Variants in RDH12 observed in about 807,000 individuals in gnomAD.
RDH12 encodes all-trans and 9-cis retinol dehydrogenase.
In RDH12, 21 loss-of-function variants were observed where a neutral mutation model predicts 34.0. That is an observed-to-expected ratio of 0.62 (90% CI 0.44 to 0.89). The LOEUF (loss-of-function observed/expected upper bound fraction) is 0.89. Among genes scored for constraint, RDH12 ranks in the 40% least tolerant of loss-of-function variants. The probability of loss-of-function intolerance (pLI) is 0.00; values close to 1 mark genes in which losing one functional copy is unlikely to be tolerated. For missense variants in RDH12, 394 were observed against 398.6 expected, an observed-to-expected ratio of 0.99 and a Z score of 0.10; for synonymous variants, 198 against 169.9, an observed-to-expected ratio of 1.17 and a Z score of -1.29.
intron 5 of RDH12, 103 bp downstream of exon 5, chr14:67,725,357 C>T: frequency 4.1e-6 from 5 of 1,210,222 alleles, no homozygotes; most frequent in Admixed American, 1.9e-5. Context: ...ATCATCCACC[C>T]CACTAGACAG....
intron 8 of RDH12, among the ~76,000 whole-genome samples, chr14:67,730,953 T>C (rs1026101600): frequency 6.6e-6 from 1 of 152,086 alleles, no homozygotes. Context: ...AAAAAAGAAG[T>C]GTAAGTTATC....
At chr14:67,725,756 T>C (rs2038177632) in intron 5 of RDH12, among the ~76,000 whole-genome samples, 1 of 152,178 alleles carries the variant, frequency 6.6e-6, no homozygotes, top group Non-Finnish European at 1.5e-5. Flanking sequence ...ACACATTTGC[T>C]GAATAAATGA....
chr14:67,709,154 A>C (rs2037983123), intron 1 of RDH12, among the ~76,000 whole-genome samples: 1 of 152,226 alleles, frequency 6.6e-6, no homozygotes, highest in Admixed American at 6.5e-5. Context: ...GATTTTGGAA[A>C]GTTTGTCAAA....
rs2038181425 is a variant in RDH12 at position 67,726,052 on chromosome 14, G to A, written c.345G>A (p.Glu115=). The part of the protein sequence containing the change: ...IRAFAEGFLA[E]EKQLHILINN... ...GATCTCTTTGGTTGTGCCCTATAGA[G>A]GAAAAGCAGCTCCATATTCTGATCA... The change falls in exon 6 of 9, where the codon GAG becomes GAA. Residue 115 remains glutamate (E), a splice_region_variant and synonymous_variant. Coordinates refer to ENST00000551171, the MANE Select transcript of RDH12 (RefSeq NM_152443.3). 6.2e-7 allele frequency: 1 copy of A among 1,611,316 alleles called. No homozygotes were observed. Among genetic ancestry groups the A allele is most frequent in the Non-Finnish European group, 8.5e-7 (1 of 1,177,608 alleles).
intron 1 of RDH12, among the ~76,000 whole-genome samples, chr14:67,713,567 T>G (rs1408317217): frequency 6.6e-6 from 1 of 152,228 alleles, no homozygotes; most frequent in Non-Finnish European, 1.5e-5. Context: ...TACCAGGCAC[T>G]GATAGGAGAT....
chr14:67,725,529 C>A (rs1286730188), intron 5 of RDH12, among the ~76,000 whole-genome samples: 1 of 152,192 alleles, frequency 6.6e-6, no homozygotes, highest in East Asian at 1.9e-4. Flanking sequence ...GGCCACAATG[C>A]CACTCTCTTC....
At chr14:67,727,272 C>T in intron 7 of RDH12, 82 bp downstream of exon 7, 1 of 999,180 alleles carries the variant, frequency 1.0e-6, no homozygotes, top group South Asian at 1.4e-5. Context: ...GTCAGGCTGT[C>T]AAACATGCAC....
Position 67,723,772 on chromosome 14 carries a change from C to T in RDH12, c.69-701C>T, listed in dbSNP as rs563351980. On this transcript the variant is annotated intron_variant, in intron 3 of 8. Coordinates refer to ENST00000551171, the MANE Select transcript of RDH12 (RefSeq NM_152443.3). ...TAGTAATTGGCAGTCAGATGATGTG[C>T]AGGAAATGTTAGTTCTGCCCCTCCG... 8.5e-5 allele frequency among the ~76,000 whole-genome samples: 13 copies of T among 152,346 alleles called. 1 individual carries two copies. In the South Asian group the frequency reaches 1.9e-3, roughly 22 times the overall value.
intron 8 of RDH12, chr14:67,729,941 C>T (rs1885166974): frequency 7.5e-6 from 3 of 402,332 alleles, no homozygotes; most frequent in Admixed American, 5.9e-5. Context: ...ATGACAGAAT[C>T]CAGCCCTGTC....
intron 1 of RDH12, among the ~76,000 whole-genome samples, chr14:67,711,213 A>G (rs548085453): frequency 3.9e-5 from 6 of 152,312 alleles, no homozygotes; most frequent in African/African-American, 1.2e-4. Flanking sequence ...ACCAATATCA[A>G]TGTCTTATTT....
chr14:67,734,203 AG>A lies in RDH12; in HGVS notation c.*356del. The A allele has an allele frequency of 3.4e-6, 1 of 293,410 alleles. No individual in the cohort carries two copies. Among genetic ancestry groups the A allele is most frequent in the Non-Finnish European group, 6.8e-6 (1 of 147,950 alleles). The allele number at this position is 293,410 out of a possible 1,614,324, so 18.2% of individuals were successfully genotyped here. A position where few individuals can be genotyped will look rare whatever the true frequency, so the allele number is the denominator to read the frequency against. On this transcript the variant is annotated 3_prime_UTR_variant, in exon 9 of 9. Transcript: ENST00000551171. ...CACCAGAGGCTCAGCTGAGGCAAGA[AG>A]AGCACCATCACTGCCTATTTCTAGG...
At chr14:67,726,511 ATGGGT>A (rs2038187888) in intron 6 of RDH12, among the ~76,000 whole-genome samples, 1 of 152,174 alleles carries the variant, frequency 6.6e-6, no homozygotes, top group Non-Finnish European at 1.5e-5. Context: ...CAACCAAGCC[ATGGGT>A]TGGTCCACGG....
chr14:67,732,126 CAAA>C (rs71129854), intron 8 of RDH12, among the ~76,000 whole-genome samples: 7 of 77,516 alleles, frequency 9.0e-5, no homozygotes, highest in East Asian at 3.9e-4. Context: ...GACTCTGTCT[CAAA>C]AAAAAAAAAA....
Position 67,729,292 on chromosome 14 carries a change from T to A in RDH12, c.760T>A (p.Phe254Ile). ...CCTGCTCTGGCGGCTCTTCTCCCCC[T>A]TTGTCAAGACGGCACGGGAGGGGGC... ...LCLLWRLFSP[F>I]VKTAREGAQT... Residue 254 changes from phenylalanine to isoleucine, a missense_variant, in exon 8 of 9, where the codon TTT becomes ATT. Physicochemically the swap from Phe to Ile is conservative, Grantham distance 21. Transcript: ENST00000551171. 6.2e-7 allele frequency: 1 copy of A among 1,604,088 alleles called. No individual in the cohort carries two copies. Among genetic ancestry groups the A allele is most frequent in the Middle Eastern group, 2.2e-4 (1 of 4,640 alleles).
intron 8 of RDH12, among the ~76,000 whole-genome samples, chr14:67,731,393 C>T (rs1351147795): frequency 2.0e-5 from 3 of 151,316 alleles, no homozygotes; most frequent in Non-Finnish European, 4.4e-5. Flanking sequence ...TTTTGTATTT[C>T]TAGTAGAGAT....
chr14:67,724,392 G>GTTT, intron 3 of RDH12, 81 bp from the exon 4 acceptor site: 2 of 688,750 alleles, frequency 2.9e-6, no homozygotes, highest in Non-Finnish European at 5.0e-6. Flanking sequence ...GCTGGATAGA[G>GTTT]TTTTTTTTTT....
intron 7 of RDH12, chr14:67,727,516 C>A: frequency 3.0e-6 from 1 of 332,182 alleles, no homozygotes; most frequent in South Asian, 2.4e-5. Context: ...GAGTTTCGCT[C>A]TTGTCGCCCA....
chr14:67,710,406 GTT>G (rs2037997462), intron 1 of RDH12, among the ~76,000 whole-genome samples: 3 of 152,156 alleles, frequency 2.0e-5, no homozygotes, highest in Non-Finnish European at 1.5e-5. Flanking sequence ...AAAGTTTTTG[GTT>G]TTGTTTGTTT....
In RDH12 at chr14:67,705,755, A is replaced by T. The variant is rs566031927; in HGVS notation, c.-275+3820A>T. Among the ~76,000 whole-genome samples, 3 of 152,308 alleles carry T rather than the reference A, an allele frequency of 2.0e-5. No homozygotes were observed. The East Asian group carries it at 5.8e-4, about 29-fold the overall frequency. ...TTGTATTATTTTTGCAATTTTTTGT[A>T]ATATTTCAAAATAAGATGTTTTAAA... is the stretch of plus-strand genomic sequence containing the variant. On this transcript the variant is annotated intron_variant, in intron 1 of 8. Coordinates refer to ENST00000551171, the MANE Select transcript of RDH12 (RefSeq NM_152443.3).
Sources: allele counts gnomAD v4.1 joint callset (sites outside exome capture counted in the v4.1 genomes callset), GRCh38; gene constraint gnomAD v4.1.1; transcripts MANE v1.5; gene names NCBI Gene and HGNC (gene_info 2026-07-23, HGNC 2026-07-21).